KCNH7: variants seen among roughly 807,000 people sequenced by gnomAD.
The protein encoded by KCNH7 is voltage-gated inwardly rectifying potassium channel KCNH7.
A neutral mutation model predicts 120.8 loss-of-function variants in KCNH7; 49 were observed. That is an observed-to-expected ratio of 0.41 (90% CI 0.32 to 0.51). The LOEUF (loss-of-function observed/expected upper bound fraction) is 0.51, where lower values mean the gene tolerates loss of function less well. KCNH7 is among the 20% of genes least tolerant of loss of function. KCNH7 has a pLI of 0.38. For missense variants in KCNH7, 1,097 were observed against 1,446.6 expected, an observed-to-expected ratio of 0.76 and a Z score of 3.92; for synonymous variants, 547 against 516.1, an observed-to-expected ratio of 1.06 and a Z score of -0.81.
At chr2:162,485,602 A>C (rs906877055) in intron 6 of KCNH7, among the ~76,000 whole-genome samples, 6 of 152,196 alleles carry the variant, frequency 3.9e-5, no homozygotes, top group Non-Finnish European at 5.9e-5. Flanking sequence ...TTCTTTATTG[A>C]AAACACAAAG....
chr2:162,744,994 A>T (rs895137423), intron 2 of KCNH7, among the ~76,000 whole-genome samples: 1 of 152,130 alleles, frequency 6.6e-6, no homozygotes, highest in Non-Finnish European at 1.5e-5. Context: ...GTAAACAAAC[A>T]CTTTGCAAGA....
intron 2 of KCNH7, among the ~76,000 whole-genome samples, chr2:162,674,323 T>A (rs1181834478): frequency 6.6e-6 from 1 of 151,776 alleles, no homozygotes; most frequent in Non-Finnish European, 1.5e-5. Flanking sequence ...GGAAAAGATT[T>A]TAAATTTTAA....
chr2:162,403,771 C>T (rs980851671), intron 9 of KCNH7, among the ~76,000 whole-genome samples: 2 of 151,862 alleles, frequency 1.3e-5, no homozygotes, highest in African/African-American at 4.8e-5. Context: ...AATTAAGAGC[C>T]AGTTGTTGAA....
At position 162,805,602 on chromosome 2, in the gene KCNH7, T is replaced by C. The variant is rs550797317; in HGVS notation, c.307+30935A>G. On this transcript the variant is annotated intron_variant, in intron 2 of 15. Transcript: ENST00000332142. ...AAAACAATAGATGTTGGTGTAGATA[T>C]GGTAAAAGGAGAATGCTTATACATT... 8.6e-5 allele frequency among the ~76,000 whole-genome samples: 13 copies of C among 152,012 alleles called. No individual in the cohort carries two copies. The South Asian group carries it at 2.7e-3, about 32-fold the overall frequency.
intron 2 of KCNH7, among the ~76,000 whole-genome samples, chr2:162,835,279 A>G (rs1291081181): frequency 6.6e-6 from 1 of 152,104 alleles, no homozygotes; most frequent in Non-Finnish European, 1.5e-5. Flanking sequence ...ACTCAACTTC[A>G]TGTTAAGGAA....
intron 2 of KCNH7, among the ~76,000 whole-genome samples, chr2:162,726,832 T>C (rs191948090): frequency 6.6e-6 from 1 of 152,320 alleles, no homozygotes; most frequent in Non-Finnish European, 1.5e-5. Context: ...TTCCTTACTT[T>C]CTGATACGAC....
chr2:162,513,898 C>T (rs1299146149), intron 4 of KCNH7, among the ~76,000 whole-genome samples: 1 of 151,622 alleles, frequency 6.6e-6, no homozygotes. Flanking sequence ...ATAAAATGGG[C>T]TCTTTTAAAA....
chr2:162,458,108 T>C (rs941902654), intron 6 of KCNH7, among the ~76,000 whole-genome samples: 13 of 143,122 alleles, frequency 9.1e-5, no homozygotes, highest in Non-Finnish European at 1.2e-4. Context: ...TATGTGCGTG[T>C]GTGTGTGTGT....
intron 2 of KCNH7, among the ~76,000 whole-genome samples, chr2:162,836,176 C>G (rs1685657819): frequency 6.6e-6 from 1 of 152,136 alleles, no homozygotes; most frequent in Non-Finnish European, 1.5e-5. Flanking sequence ...AAAGTTCAAA[C>G]AAGTAACACT....
chr2:162,669,865 C>T (rs986444201), intron 2 of KCNH7, among the ~76,000 whole-genome samples: 2 of 152,010 alleles, frequency 1.3e-5, no homozygotes, highest in African/African-American at 2.4e-5. Context: ...TTTGGGAGGC[C>T]GAGGCGGGCG....
intron 12 of KCNH7, among the ~76,000 whole-genome samples, chr2:162,390,115 A>C (rs1444624554): frequency 6.6e-6 from 1 of 151,880 alleles, no homozygotes; most frequent in Non-Finnish European, 1.5e-5. Context: ...CTAATTAGCT[A>C]TTAATAGCCA....
intron 2 of KCNH7, among the ~76,000 whole-genome samples, chr2:162,806,666 C>T (rs529530622): frequency 5.6e-4 from 85 of 152,236 alleles, no homozygotes; most frequent in African/African-American, 1.8e-3. Flanking sequence ...TAGTCTCAGA[C>T]AATAAAAATT....
chr2:162,577,415 A>G (rs1693724893), intron 2 of KCNH7, among the ~76,000 whole-genome samples: 1 of 151,200 alleles, frequency 6.6e-6, no homozygotes, highest in Non-Finnish European at 1.5e-5. Context: ...CTATCTATCT[A>G]TTCATAGGTA....
chr2:162,673,544 C>G (rs959022152), intron 2 of KCNH7, among the ~76,000 whole-genome samples: 1 of 152,014 alleles, frequency 6.6e-6, no homozygotes, highest in African/African-American at 2.4e-5. Flanking sequence ...AAATAGAAAA[C>G]ACCATGCCCA....
chr2:162,814,620 G>C (rs759623578), intron 2 of KCNH7, among the ~76,000 whole-genome samples: 1 of 152,044 alleles, frequency 6.6e-6, no homozygotes, highest in Non-Finnish European at 1.5e-5. Context: ...AGACTATTAG[G>C]GTGTCCTGCT....
intron 9 of KCNH7, among the ~76,000 whole-genome samples, chr2:162,413,430 C>G (rs531511189): frequency 2.0e-4 from 30 of 152,162 alleles, no homozygotes; most frequent in African/African-American, 6.5e-4. Flanking sequence ...CCCAGCCAAA[C>G]CATTCTTATA....
rs1685685061 is a variant in KCNH7 at position 162,836,889 on chromosome 2, T to G, written c.77-122A>C. On this transcript the variant is annotated intron_variant, in intron 1 of 15. Transcript: ENST00000332142. ...CAGGTGCCTCCCCAAATTACTAATCTCTCCAGCCCTTATGAAAAAAGAAAA... is the reference window on the plus strand; with the variant it reads ...CAGGTGCCTCCCCAAATTACTAATCGCTCCAGCCCTTATGAAAAAAGAAAA... 6.6e-6 allele frequency: 4 copies of G among 603,602 alleles called. No homozygotes were observed. The South Asian group carries it at 9.4e-5, about 14-fold the overall frequency. 37.4% of individuals were successfully genotyped at this position (603,602 alleles called of 1,614,324 possible). A position where few individuals can be genotyped will look rare whatever the true frequency, so the allele number is the denominator to read the frequency against.
intron 6 of KCNH7, among the ~76,000 whole-genome samples, chr2:162,491,188 T>C (rs1320110348): frequency 1.3e-5 from 2 of 152,138 alleles, no homozygotes; most frequent in African/African-American, 4.8e-5. Flanking sequence ...GCCAAGAGGG[T>C]ACAAAGATTA....
chr2:162,399,315 A>G (rs2105442674), intron 10 of KCNH7, among the ~76,000 whole-genome samples: 1 of 151,878 alleles, frequency 6.6e-6, no homozygotes, highest in East Asian at 1.9e-4. Flanking sequence ...CTACAAGTTC[A>G]CATGGCCTAA....
Sources: allele counts gnomAD v4.1 joint callset (sites outside exome capture counted in the v4.1 genomes callset), GRCh38; gene constraint gnomAD v4.1.1; transcripts MANE v1.5; gene names NCBI Gene and HGNC (gene_info 2026-07-23, HGNC 2026-07-21).